RBL2: variants seen among roughly 807,000 people sequenced by gnomAD.
RBL2 encodes retinoblastoma-like protein 2.
RBL2 carries 56 observed loss-of-function variants against 126.0 expected under a neutral mutation model. The ratio of observed to expected loss-of-function variants is 0.44; its 90% confidence interval spans 0.36 to 0.56. RBL2 has a LOEUF of 0.56. Ranked by LOEUF, RBL2 falls within the 20% of genes least tolerant of loss-of-function variation. RBL2 has a pLI of 0.00. For missense variants in RBL2, 1,229 were observed against 1,398.2 expected (o/e 0.88, Z 1.93); for synonymous variants, 454 against 478.5 (o/e 0.95, Z 0.67).
At chr16:53,488,014 A>T (rs1961243098) in intron 21 of RBL2, 1 of 152,254 alleles carries the variant, frequency 6.6e-6, no homozygotes, top group African/African-American at 2.4e-5. Context: ...GTTGTTTCTT[A>T]AACATACCAT....
intron 9 of RBL2, among the ~76,000 whole-genome samples, chr16:53,459,887 G>C (rs2058204094): frequency 7.0e-6 from 1 of 142,634 alleles, no homozygotes; most frequent in African/African-American, 2.6e-5. Flanking sequence ...ATTGCCAACT[G>C]TTCTTTCAAG....
chr16:53,472,979 G>C (rs1960580053), intron 17 of RBL2, among the ~76,000 whole-genome samples: 1 of 152,042 alleles, frequency 6.6e-6, no homozygotes, highest in South Asian at 2.1e-4. Flanking sequence ...GAATGGCCTT[G>C]GTACCCTCCT....
intron 21 of RBL2, chr16:53,487,630 A>T (rs555921241): frequency 1.3e-5 from 2 of 152,230 alleles, no homozygotes; most frequent in Non-Finnish European, 2.9e-5. Context: ...TTTTATGGGA[A>T]AATTTTATAT....
rs147611496 is a variant in RBL2, at chr16:53,447,044, G to A, written c.575G>A (p.Arg192Gln). The A allele has an allele frequency of 4.6e-6, 7 of 1,519,634 alleles. No homozygotes were observed. The highest frequency in any genetic ancestry group is 1.4e-5 in the African/African-American group (1 of 69,656). The allele number at this position is 1,519,634 out of a possible 1,614,324, so 94.1% of individuals were successfully genotyped here. ...PRQQRGRKQR[R>Q]QPCTVSEIFH... is the part of the protein sequence containing the mutation. ...CTTTTTTTTTTCTTCCCCCAAAGGC[G>A]ACAGCCCTGTACTGTGTCTGAAATT... is the stretch of plus-strand genomic sequence containing the variant. Residue 192 changes from arginine to glutamine, a missense_variant and splice_region_variant, in exon 4 of 22, where the codon CGA becomes CAA. Physicochemically the swap from Arg to Gln is conservative, Grantham distance 43 (BLOSUM62 1). Transcript: ENST00000262133.
At chr16:53,471,363 A>AGTAAGT (rs1167560001) in intron 17 of RBL2, among the ~76,000 whole-genome samples, 1 of 152,224 alleles carries the variant, frequency 6.6e-6, no homozygotes, top group East Asian at 1.9e-4. Context: ...CTTACACAGC[A>AGTAAGT]GTATAATAAA....
rs576890122 is a variant in RBL2 at position 53,438,299 on chromosome 16, T to C, written c.241-717T>C. ...TTTGTTCCATGTGGTCTCACCAGCA[T>C]GGTGATCCAGGGTAGCTAAATTCTT... On this transcript the variant is annotated intron_variant, in intron 1 of 21. Transcript: ENST00000262133. Among the ~76,000 whole-genome samples, 3 of 152,290 alleles carry C rather than the reference T, an allele frequency of 2.0e-5. No homozygotes were observed. The South Asian group carries it at 6.2e-4, about 32-fold the overall frequency.
At chr16:53,436,497 ACTTG>A (rs1335692826) in intron 1 of RBL2, among the ~76,000 whole-genome samples, 6 of 152,224 alleles carry the variant, frequency 3.9e-5, no homozygotes, top group African/African-American at 1.4e-4. Context: ...AGCACCTATT[ACTTG>A]CTACACATTG....
intron 18 of RBL2, 90 bp downstream of exon 18, chr16:53,479,315 T>C: frequency 1.7e-6 from 2 of 1,187,162 alleles, no homozygotes; most frequent in Non-Finnish European, 1.2e-6. Flanking sequence ...TGTGGCCTTT[T>C]TTCCAAGATA....
chr16:53,481,650 T>G lies in RBL2; in HGVS notation c.3085-21T>G, dbSNP rs1338598076. On this transcript the variant is annotated intron_variant, in intron 20 of 21. Coordinates refer to ENST00000262133, the MANE Select transcript of RBL2 (RefSeq NM_005611.4). ...TTATAAATTTTTTTCTTAGAATTACTGATTTTTTTTTTTTAAACAGATGGA... is the reference window on the plus strand; with the variant it reads ...TTATAAATTTTTTTCTTAGAATTACGGATTTTTTTTTTTTAAACAGATGGA... The G allele has an allele frequency of 2.0e-6, 3 of 1,514,522 alleles. No individual in the cohort carries two copies. The South Asian group carries it at 3.8e-5, about 19-fold the overall frequency. 93.8% of individuals were successfully genotyped at this position (1,514,522 alleles called of 1,614,324 possible). A position where few individuals can be genotyped will look rare whatever the true frequency, so the allele number is the denominator to read the frequency against.
Position 53,442,784 on chromosome 16 carries a change from T to G in RBL2, c.498T>G (p.Tyr166Ter). Residue 166 changes from tyrosine (Y) to a stop codon, truncating the protein, a stop_gained, in exon 3 of 22, where the codon TAT (tyrosine) becomes TAG (stop). Transcript: ENST00000262133. LOFTEE classifies it high-confidence loss of function. Reference sequence around the variant, plus strand: ...TTTCTGCTGTAATTTTTAAGAAATATGAACCCATTTTTCAGGACATCTTTA... The same window carrying G: ...TTTCTGCTGTAATTTTTAAGAAATAGGAACCCATTTTTCAGGACATCTTTA... Reference protein sequence around the residue: ...FTVSAVIFKKYEPIFQDIFKY... With the variant: ...FTVSAVIFKK 1 of 1,613,764 alleles carries G rather than the reference T, an allele frequency of 6.2e-7. No individual in the cohort carries two copies. Among genetic ancestry groups the G allele is most frequent in the Non-Finnish European group, 8.5e-7 (1 of 1,179,668 alleles).
chr16:53,480,154 C>T (rs1454685862), intron 19 of RBL2, 163 bp downstream of exon 19: 1 of 587,326 alleles, frequency 1.7e-6, no homozygotes, highest in African/African-American at 1.9e-5. Context: ...CTGTCCATTA[C>T]ATAGCTTTGG....
intron 4 of RBL2, 40 bp from the exon 5 acceptor site, chr16:53,451,663 C>G (rs777219034): frequency 6.3e-7 from 1 of 1,587,724 alleles, no homozygotes; most frequent in Non-Finnish European, 8.6e-7. Flanking sequence ...GTTACAAAGT[C>G]AATGCTAATT....
intron 21 of RBL2, chr16:53,487,507 C>T (rs1346714993): frequency 6.6e-6 from 1 of 152,152 alleles, no homozygotes; most frequent in East Asian, 1.9e-4. Context: ...TAATAGTAAA[C>T]TTGTTCCCAT....
At chr16:53,441,368 T>C (rs542448261) in intron 2 of RBL2, among the ~76,000 whole-genome samples, 43 of 152,298 alleles carry the variant, frequency 2.8e-4, no homozygotes, top group African/African-American at 1.0e-3. Context: ...ATTCTCTTAC[T>C]GTACTTCTTG....
At chr16:53,460,617 C>T (rs1336305183) in intron 9 of RBL2, among the ~76,000 whole-genome samples, 2 of 152,066 alleles carry the variant, frequency 1.3e-5, no homozygotes, top group African/African-American at 4.8e-5. Context: ...CATTTTAAAT[C>T]TTAGGTACCA....
At chr16:53,435,090 T>C (rs929915373) in intron 1 of RBL2, among the ~76,000 whole-genome samples, 3 of 152,100 alleles carry the variant, frequency 2.0e-5, no homozygotes, top group South Asian at 4.1e-4. Flanking sequence ...GTGGCCCATC[T>C]GACCCCCCGC....
chr16:53,479,319 CAAGAT>C, intron 18 of RBL2, 94 bp downstream of exon 18: 2 of 1,064,148 alleles, frequency 1.9e-6, no homozygotes, highest in South Asian at 2.7e-5. Context: ...GCCTTTTTTC[CAAGAT>C]AAACACCTGG....
chr16:53,484,533 T>C (rs1961084483), intron 21 of RBL2, among the ~76,000 whole-genome samples: 1 of 152,222 alleles, frequency 6.6e-6, no homozygotes, highest in South Asian at 2.1e-4. Context: ...TGATACATGC[T>C]ACAATATGAA....
chr16:53,449,762 C>G (rs2058096621), intron 4 of RBL2, among the ~76,000 whole-genome samples: 1 of 152,012 alleles, frequency 6.6e-6, no homozygotes, highest in Non-Finnish European at 1.5e-5. Context: ...TAAGCCAACT[C>G]TGGAGATGAA....
Sources: gnomAD v4.1 joint callset for allele counts (sites outside exome capture counted in the v4.1 genomes callset) on GRCh38, gnomAD v4.1.1 for gene constraint, MANE v1.5 for transcripts, NCBI Gene and HGNC (gene_info 2026-07-23, HGNC 2026-07-21) for gene names.